The following CCSAP variants were observed in gnomAD, a reference collection of about 807,000 sequenced individuals.
CCSAP encodes the protein centriole, cilia and spindle-associated protein.
A neutral mutation model predicts 25.9 loss-of-function variants in CCSAP; 17 were observed. That is an observed-to-expected ratio of 0.66 (90% confidence interval 0.45 to 0.99). The LOEUF (loss-of-function observed/expected upper bound fraction) is 0.99, where lower values mean the gene tolerates loss of function less well. Among genes scored for constraint, CCSAP ranks in the 50% least tolerant of loss-of-function variants. The probability of loss-of-function intolerance (pLI) is 0.00; values close to 1 mark genes in which losing one functional copy is unlikely to be tolerated. For synonymous variants in CCSAP, 169 were observed against 157.1 expected, an observed-to-expected ratio of 1.08 and a Z score of -0.57; for missense variants, 339 against 367.8, an observed-to-expected ratio of 0.92 and a Z score of 0.64.
At chr1:229,339,676 GA>G (rs1418158251) in intron 2 of CCSAP, among the ~76,000 whole-genome samples, 1 of 152,228 alleles carries the variant, frequency 6.6e-6, no homozygotes, top group African/African-American at 2.4e-5. Context: ...AGCCCAGACA[GA>G]AGTAGGTCAG....
At chr1:229,337,730 T>C (rs1048641245) in intron 2 of CCSAP, among the ~76,000 whole-genome samples, 2 of 133,078 alleles carry the variant, frequency 1.5e-5, no homozygotes, top group African/African-American at 5.7e-5. Context: ...TATATATATA[T>C]GTGTGTGTGC....
At chr1:229,341,425 T>C (rs1658330958) in intron 2 of CCSAP, among the ~76,000 whole-genome samples, 1 of 152,140 alleles carries the variant, frequency 6.6e-6, no homozygotes, top group Non-Finnish European at 1.5e-5. Flanking sequence ...TGCAAGCCTC[T>C]GGGCAGGAAA....
intron 2 of CCSAP, among the ~76,000 whole-genome samples, chr1:229,331,523 G>A (rs1027557757): frequency 1.3e-5 from 2 of 151,916 alleles, no homozygotes; most frequent in Non-Finnish European, 2.9e-5. Flanking sequence ...TCCATAGTTC[G>A]TGGCTCCTAA....
intron 2 of CCSAP, chr1:229,340,578 A>C (rs902987358): frequency 1.7e-6 from 1 of 601,946 alleles, no homozygotes; most frequent in Non-Finnish European, 3.0e-6. Context: ...CACAGGAATA[A>C]TCTGGAAGGC....
rs190018122 is a variant in CCSAP, at chr1:229,321,788, G to A, written c.*3447C>T. 1.3e-5 allele frequency: 2 copies of A among 152,186 alleles called. No homozygotes were observed. Among genetic ancestry groups the A allele is most frequent in the East Asian group, 1.9e-4 (1 of 5,184 alleles). 9.4% of individuals were successfully genotyped at this position (152,186 alleles called of 1,614,324 possible). On this transcript the variant is annotated 3_prime_UTR_variant, in exon 4 of 4. Transcript: ENST00000284617. Reference sequence around the variant, plus strand: ...TGAACACTTTAAAGAAAGTACAGTCGGCCCTCTGTATCCGTGAGTTCTGCA... The same window carrying A: ...TGAACACTTTAAAGAAAGTACAGTCAGCCCTCTGTATCCGTGAGTTCTGCA...
rs1216254598 is a variant in CCSAP at position 229,342,746 on chromosome 1, G to C, written c.-49+166C>G. 3.3e-5 allele frequency among the ~76,000 whole-genome samples: 5 copies of C among 151,974 alleles called. No individual in the cohort carries two copies. Among genetic ancestry groups the C allele is most frequent in the Admixed American group, 2.6e-4 (4 of 15,262 alleles). ...GCCGCCGAGGAGGGCTGCTCAGTGG[G>C]CGGAAGGCAGGGAGGCTGCGGGCTG... On this transcript the variant is annotated intron_variant, in intron 1 of 3. Coordinates refer to ENST00000284617, the MANE Select transcript of CCSAP (RefSeq NM_145257.5). This position sits in a 1 kb window ranked among gnomAD's most constrained non-coding sequence, Gnocchi z 7.5.
chr1:229,338,757 T>A (rs986840457), intron 2 of CCSAP, among the ~76,000 whole-genome samples: 1 of 151,950 alleles, frequency 6.6e-6, no homozygotes, highest in Non-Finnish European at 1.5e-5. Flanking sequence ...AAACGAAAAA[T>A]TCTAATATAT....
intron 2 of CCSAP, among the ~76,000 whole-genome samples, chr1:229,338,538 AACACACACACACACACACACAC>A (rs55718200): frequency 2.1e-5 from 3 of 141,820 alleles, no homozygotes; most frequent in Non-Finnish European, 4.6e-5. Flanking sequence ...CCCAAACCCC[AACACACACACACACACACACAC>A]ACACACACAC....
At chr1:229,340,704 C>A in intron 2 of CCSAP, 1 of 369,624 alleles carries the variant, frequency 2.7e-6, no homozygotes, top group Non-Finnish European at 4.8e-6. Flanking sequence ...AGCCCTGCCT[C>A]CGATGATGAG....
In CCSAP at chr1:229,321,065, T is replaced by C. The variant is rs991963351; in HGVS notation, c.*4170A>G. 1.3e-5 allele frequency: 2 copies of C among 152,222 alleles called. No homozygotes were observed. Among genetic ancestry groups the C allele is most frequent in the African/African-American group, 4.8e-5 (2 of 41,462 alleles). 9.4% of individuals were successfully genotyped at this position (152,222 alleles called of 1,614,324 possible). On this transcript the variant is annotated 3_prime_UTR_variant, in exon 4 of 4. Coordinates refer to ENST00000284617, the MANE Select transcript of CCSAP (RefSeq NM_145257.5). ...TTTTCCAAGTAAATACAATATTAAC[T>C]ATAAGCTAAAAACAATACATAGTTC...
rs1025602564 is a variant in CCSAP, at chr1:229,323,030, A to C, written c.*2205T>G. The C allele has an allele frequency of 2.0e-5, 3 of 152,216 alleles. No homozygotes were observed. The highest frequency in any genetic ancestry group is 4.8e-5 in the African/African-American group (2 of 41,450). The allele number at this position is 152,216 out of a possible 1,614,324, so 9.4% of individuals were successfully genotyped here. On this transcript the variant is annotated 3_prime_UTR_variant, in exon 4 of 4. Transcript: ENST00000284617. Reference sequence around the variant, plus strand: ...TAGGACCATCAGACTGTTAACAACTATCAAATTTTCACAGGTTCAAAAGGT... The same window carrying C: ...TAGGACCATCAGACTGTTAACAACTCTCAAATTTTCACAGGTTCAAAAGGT...
chr1:229,342,217 C>CGGCGGGGGCGAG lies in CCSAP; in HGVS notation c.237_248dup (p.Ser80_Pro83dup). 1 of 1,252,668 alleles carries CGGCGGGGGCGAG rather than the reference C, an allele frequency of 8.0e-7. No homozygotes were observed. The highest frequency in any genetic ancestry group is 3.2e-5 in the East Asian group (1 of 31,566). 77.6% of individuals were successfully genotyped at this position (1,252,668 alleles called of 1,614,324 possible). ...CCTCCTGGGTCGCCGGCTCTACGGG[C>CGGCGGGGGCGAG]GGCGGGGGCGAGGGCGGGGCGCACC... On this transcript the variant is annotated inframe_insertion, in exon 2 of 4. Coordinates refer to ENST00000284617, the MANE Select transcript of CCSAP (RefSeq NM_145257.5). The surrounding 1 kb of genome is among the most constrained non-coding windows in gnomAD (Gnocchi z 7.5).
At chr1:229,340,972 G>A (rs1403580487) in intron 2 of CCSAP, among the ~76,000 whole-genome samples, 1 of 152,120 alleles carries the variant, frequency 6.6e-6, no homozygotes, top group East Asian at 1.9e-4. Flanking sequence ...GAGGCGGGCG[G>A]ATCACGAGGT....
intron 2 of CCSAP, among the ~76,000 whole-genome samples, chr1:229,334,435 G>A (rs1033331827): frequency 5.9e-5 from 9 of 152,120 alleles, no homozygotes; most frequent in Admixed American, 1.3e-4. Context: ...CAAAACATGC[G>A]TGATGCAGCT....
intron 2 of CCSAP, among the ~76,000 whole-genome samples, chr1:229,333,431 GAAAAAA>G (rs368401348): frequency 1.4e-5 from 1 of 70,476 alleles, no homozygotes; most frequent in Non-Finnish European, 2.7e-5. Context: ...AGACTCCATC[GAAAAAA>G]AAAAAAAAAA....
Position 229,324,336 on chromosome 1 carries a change from T to C in CCSAP, c.*899A>G, listed in dbSNP as rs569649010. The C allele has an allele frequency of 2.0e-5, 3 of 152,230 alleles. No homozygotes were observed. The highest frequency in any genetic ancestry group is 4.8e-5 in the African/African-American group (2 of 41,444). 9.4% of individuals were successfully genotyped at this position (152,230 alleles called of 1,614,324 possible). On this transcript the variant is annotated 3_prime_UTR_variant, in exon 4 of 4. Coordinates refer to ENST00000284617, the MANE Select transcript of CCSAP (RefSeq NM_145257.5). ...TCCAGATTGTAAGTTTGAAATGTCA[T>C]TGCCAGCCATTACAGAAGAGGCAAA... is the stretch of plus-strand genomic sequence containing the variant.
intron 2 of CCSAP, among the ~76,000 whole-genome samples, chr1:229,337,146 C>T (rs1277037286): frequency 6.6e-6 from 1 of 151,942 alleles, no homozygotes; most frequent in Non-Finnish European, 1.5e-5. Flanking sequence ...CTGAAAGAAC[C>T]TTCCAGAATG....
At chr1:229,332,278 G>C (rs1319062435) in intron 2 of CCSAP, among the ~76,000 whole-genome samples, 1 of 152,174 alleles carries the variant, frequency 6.6e-6, no homozygotes, top group African/African-American at 2.4e-5. Flanking sequence ...AAGTTCCCAA[G>C]GCCTCGACTT....
At chr1:229,340,894 A>C (rs969551028) in intron 2 of CCSAP, among the ~76,000 whole-genome samples, 2 of 152,128 alleles carry the variant, frequency 1.3e-5, no homozygotes, top group East Asian at 3.9e-4. Context: ...CCGTTTTTTC[A>C]TCTATAAAAC....
Sources: allele counts gnomAD v4.1 joint callset (sites outside exome capture counted in the v4.1 genomes callset), GRCh38; gene constraint gnomAD v4.1.1; non-coding constraint Gnocchi (gnomAD v3.1); transcripts MANE v1.5; gene names NCBI Gene and HGNC (gene_info 2026-07-23, HGNC 2026-07-21).